PAK5: variants seen among roughly 807,000 people sequenced by gnomAD.
The protein encoded by PAK5 is serine/threonine-protein kinase PAK 5.
A neutral mutation model predicts 65.9 loss-of-function variants in PAK5; 16 were observed. That is an observed-to-expected ratio of 0.24 (90% confidence interval 0.16 to 0.37). PAK5 has a LOEUF of 0.37. PAK5 is among the 10% of genes least tolerant of loss of function. The pLI is 1.00. For synonymous variants in PAK5, 371 were observed against 354.9 expected (o/e 1.05, Z -0.51); for missense variants, 785 against 903.9 (o/e 0.87, Z 1.69).
intron 1 of PAK5, among the ~76,000 whole-genome samples, chr20:9,763,048 G>A (rs925023444): frequency 4.6e-5 from 7 of 152,066 alleles, no homozygotes; most frequent in African/African-American, 1.4e-4. Context: ...TCACCTATAC[G>A]TGAAATCTAA....
rs185567933 is a variant in PAK5, at chr20:9,749,448, A to G, written c.-161-38013T>C. 1.4e-3 allele frequency among the ~76,000 whole-genome samples: 212 copies of G among 152,264 alleles called. 1 individual carries two copies. Among genetic ancestry groups the G allele is most frequent in the South Asian group, 5.8e-3 (28 of 4,826 alleles). On this transcript the variant is annotated intron_variant, in intron 1 of 9. Transcript: ENST00000353224. ...ATGAGGTTGAAAAATCCTGATGACA[A>G]TGATTATTTAAGATCTGACAAAATA...
intron 1 of PAK5, among the ~76,000 whole-genome samples, chr20:9,816,487 C>T (rs1317808369): frequency 6.6e-6 from 1 of 152,096 alleles, no homozygotes; most frequent in Non-Finnish European, 1.5e-5. Context: ...TTGCCTTCCC[C>T]AACATGAGTG....
chr20:9,566,049 T>C lies in PAK5; in HGVS notation c.1326A>G (p.Pro442=). Reference sequence around the variant, plus strand: ...TGGCCAAGTATTCCCTGGGGTCTCCTGGGCTGACCACCAGCTGCAGGGCCG... The same window carrying C: ...TGGCCAAGTATTCCCTGGGGTCTCCCGGGCTGACCACCAGCTGCAGGGCCG... ...FRAALQLVVS[P]GDPREYLANF... Residue 442 remains proline, a synonymous_variant, in exon 5 of 10, where the codon CCA becomes CCG. Coordinates refer to ENST00000353224, the MANE Select transcript of PAK5 (RefSeq NM_177990.4). 6.2e-7 allele frequency: 1 copy of C among 1,614,008 alleles called. No homozygotes were observed.
At chr20:9,817,237 C>T (rs1046840667) in intron 1 of PAK5, among the ~76,000 whole-genome samples, 1 of 152,168 alleles carries the variant, frequency 6.6e-6, no homozygotes, top group African/African-American at 2.4e-5. Context: ...TTCAAGCTCT[C>T]AGTTTCCATG....
chr20:9,830,822 C>T (rs970641494), intron 1 of PAK5, among the ~76,000 whole-genome samples: 14 of 152,234 alleles, frequency 9.2e-5, no homozygotes, highest in African/African-American at 3.4e-4. Context: ...TTAAGTTAAA[C>T]TCCCATGTCA....
At chr20:9,545,672 T>C (rs1416357684) in intron 7 of PAK5, among the ~76,000 whole-genome samples, 1 of 152,158 alleles carries the variant, frequency 6.6e-6, no homozygotes, top group East Asian at 1.9e-4. Context: ...TCTTAGATTC[T>C]CTTACTGGAT....
intron 1 of PAK5, among the ~76,000 whole-genome samples, chr20:9,780,955 A>G (rs1190504785): frequency 6.6e-6 from 1 of 152,122 alleles, no homozygotes; most frequent in Non-Finnish European, 1.5e-5. Context: ...TCCTTTACTG[A>G]CAGAGGTCTC....
chr20:9,566,817 C>T (rs147505619), intron 4 of PAK5, among the ~76,000 whole-genome samples: 136 of 152,252 alleles, frequency 8.9e-4, no homozygotes, highest in African/African-American at 3.1e-3. Context: ...GGGGAAAATA[C>T]GTCTCCCTGT....
Position 9,636,706 on chromosome 20 carries a change from G to A in PAK5, c.204+7419C>T, listed in dbSNP as rs528557196. Reference sequence around the variant, plus strand: ...TTTAGAGAAATTATATAGTATACACGAAAAGGGATGGAATATTGTATTCAA... The same window carrying A: ...TTTAGAGAAATTATATAGTATACACAAAAAGGGATGGAATATTGTATTCAA... On this transcript the variant is annotated intron_variant, in intron 3 of 9. Transcript: ENST00000353224. Among the ~76,000 whole-genome samples the A allele has an allele frequency of 9.2e-5, 14 of 152,238 alleles. 1 individual carries two copies. Among genetic ancestry groups the A allele is most frequent in the African/African-American group, 2.9e-4 (12 of 41,544 alleles).
chr20:9,750,938 C>T (rs2048569522), intron 1 of PAK5, among the ~76,000 whole-genome samples: 1 of 152,182 alleles, frequency 6.6e-6, no homozygotes, highest in Non-Finnish European at 1.5e-5. Flanking sequence ...GGCCACATGT[C>T]TGTGCCCTAG....
intron 1 of PAK5, among the ~76,000 whole-genome samples, chr20:9,731,770 TAA>T (rs1296499865): frequency 6.6e-6 from 1 of 152,192 alleles, no homozygotes; most frequent in Non-Finnish European, 1.5e-5. Context: ...CATTTGTAAC[TAA>T]AGTACTTTGC....
chr20:9,737,427 T>C (rs1254780996), intron 1 of PAK5, among the ~76,000 whole-genome samples: 3 of 152,042 alleles, frequency 2.0e-5, no homozygotes, highest in Admixed American at 2.0e-4. Flanking sequence ...AAAGAGAGAA[T>C]TCATCAAGAC....
chr20:9,768,334 T>C (rs2048793016), intron 1 of PAK5, among the ~76,000 whole-genome samples: 1 of 151,960 alleles, frequency 6.6e-6, no homozygotes, highest in Non-Finnish European at 1.5e-5. Flanking sequence ...CGATAGACAC[T>C]GTAGACTATA....
At chr20:9,777,224 G>C (rs909970929) in intron 1 of PAK5, among the ~76,000 whole-genome samples, 4 of 152,162 alleles carry the variant, frequency 2.6e-5, no homozygotes, top group Non-Finnish European at 5.9e-5. Context: ...TGGCAGCATG[G>C]AGGTAGATAG....
At chr20:9,746,277 G>A (rs930648335) in intron 1 of PAK5, among the ~76,000 whole-genome samples, 23 of 152,138 alleles carry the variant, frequency 1.5e-4, no homozygotes, top group African/African-American at 5.3e-4. Flanking sequence ...TCATGGCAGT[G>A]CAGGTCTTGG....
chr20:9,668,554 T>C (rs1189253228), intron 2 of PAK5, among the ~76,000 whole-genome samples: 1 of 151,998 alleles, frequency 6.6e-6, no homozygotes, highest in Admixed American at 6.6e-5. Flanking sequence ...GGTAAGGGAG[T>C]CAACAGATGG....
intron 2 of PAK5, among the ~76,000 whole-genome samples, chr20:9,683,502 CT>C (rs1478266689): frequency 6.6e-6 from 1 of 152,148 alleles, no homozygotes; most frequent in African/African-American, 2.4e-5. Flanking sequence ...CTTTTTCCTT[CT>C]TCCTCTTCTT....
intron 2 of PAK5, among the ~76,000 whole-genome samples, chr20:9,688,425 C>A (rs2047749232): frequency 6.6e-6 from 1 of 151,974 alleles, no homozygotes; most frequent in Non-Finnish European, 1.5e-5. Flanking sequence ...AGAGGGAAAA[C>A]ACCTGTATGT....
chr20:9,749,644 C>A (rs918356864), intron 1 of PAK5, among the ~76,000 whole-genome samples: 5 of 152,102 alleles, frequency 3.3e-5, no homozygotes, highest in Non-Finnish European at 7.4e-5. Flanking sequence ...GTATTTCCTG[C>A]CTTTTATAAT....
Sources: allele counts gnomAD v4.1 joint callset (sites outside exome capture counted in the v4.1 genomes callset), GRCh38; gene constraint gnomAD v4.1.1; transcripts MANE v1.5; gene names NCBI Gene and HGNC (gene_info 2026-07-23, HGNC 2026-07-21).